The following LRGUK variants were observed in gnomAD, a reference collection of about 807,000 sequenced individuals.
LRGUK encodes leucine-rich repeat and guanylate kinase domain-containing protein.
Under a neutral mutation model 76.0 loss-of-function variants are expected in LRGUK, and 65 were observed. The ratio of observed to expected loss-of-function variants is 0.85; its 90% CI spans 0.70 to 1.05. The LOEUF (loss-of-function observed/expected upper bound fraction) is 1.05, where lower values mean the gene tolerates loss of function less well. Ranked by LOEUF, LRGUK falls within the 50% of genes least tolerant of loss-of-function variation. The pLI, the probability that LRGUK is intolerant of heterozygous loss-of-function variation, is 0.00. For missense variants in LRGUK, 758 were observed against 732.8 expected (o/e 1.03, Z -0.40); for synonymous variants, 268 against 265.6 (o/e 1.01, Z -0.09).
intron 19 of LRGUK, 21 bp downstream of exon 19, chr7:134,258,426 G>C (rs145490441): frequency 1.2e-5 from 20 of 1,609,076 alleles, no homozygotes; most frequent in East Asian, 4.5e-5. Context: ...GGCCAAGCGC[G>C]GTGGCTCATG....
intron 11 of LRGUK, among the ~76,000 whole-genome samples, chr7:134,184,838 C>T (rs921161272): frequency 6.6e-6 from 1 of 152,218 alleles, no homozygotes; most frequent in African/African-American, 2.4e-5. Context: ...TGAAAATCAA[C>T]ATCTTTTTCA....
intron 13 of LRGUK, among the ~76,000 whole-genome samples, chr7:134,197,902 A>G (rs763083461): frequency 7.9e-5 from 12 of 152,180 alleles, no homozygotes; most frequent in Non-Finnish European, 1.8e-4. Flanking sequence ...GCAGTATGAC[A>G]CTTTTGGAAT....
chr7:134,198,426 A>G (rs535025717), intron 13 of LRGUK, among the ~76,000 whole-genome samples: 198 of 152,302 alleles, frequency 1.3e-3, no homozygotes, highest in African/African-American at 4.5e-3. Context: ...GTATTTTTCC[A>G]GACTGCCCTG....
At chr7:134,218,253 T>C (rs1801488700) in intron 15 of LRGUK, among the ~76,000 whole-genome samples, 1 of 152,048 alleles carries the variant, frequency 6.6e-6, no homozygotes, top group African/African-American at 2.4e-5. Flanking sequence ...CCCATTTGAG[T>C]GGGGAAAAAA....
chr7:134,221,506 A>G (rs1801594538), intron 15 of LRGUK, among the ~76,000 whole-genome samples: 1 of 152,128 alleles, frequency 6.6e-6, no homozygotes, highest in African/African-American at 2.4e-5. Context: ...TGTTTTTGAC[A>G]TGTCTTACTT....
At chr7:134,257,068 C>A (rs1327731504) in intron 18 of LRGUK, among the ~76,000 whole-genome samples, 1 of 152,106 alleles carries the variant, frequency 6.6e-6, no homozygotes, top group Non-Finnish European at 1.5e-5. Context: ...TCAAAGCTGT[C>A]CCCCTTGCTG....
intron 16 of LRGUK, among the ~76,000 whole-genome samples, chr7:134,229,919 G>T (rs1193070471): frequency 6.6e-6 from 1 of 151,978 alleles, no homozygotes; most frequent in Non-Finnish European, 1.5e-5. Flanking sequence ...AATGTGAAAA[G>T]CAAAATAATA....
At chr7:134,137,806 G>T (rs751536903) in intron 2 of LRGUK, among the ~76,000 whole-genome samples, 1 of 151,686 alleles carries the variant, frequency 6.6e-6, no homozygotes, top group Non-Finnish European at 1.5e-5. Context: ...ATATTGTAAA[G>T]CATTAAATAT....
chr7:134,264,644 C>T (rs1802823856), downstream of LRGUK: 1 of 152,164 alleles, frequency 6.6e-6, no homozygotes, highest in Admixed American at 6.5e-5. Flanking sequence ...ATTAGATATA[C>T]TTTTAGACAA....
intron 6 of LRGUK, among the ~76,000 whole-genome samples, chr7:134,158,406 G>A (rs185531511): frequency 1.3e-5 from 2 of 152,188 alleles, no homozygotes; most frequent in Admixed American, 6.5e-5. Context: ...TCCAAATTCA[G>A]TATTTTAAAT....
downstream of LRGUK, among the ~76,000 whole-genome samples, chr7:134,268,538 T>C (rs2117242131): frequency 2.0e-5 from 3 of 152,126 alleles, no homozygotes; most frequent in Middle Eastern, 0.01. Flanking sequence ...ATGCTTTCAC[T>C]GAAGAACCAA....
intron 9 of LRGUK, 99 bp downstream of exon 9, chr7:134,177,162 A>C (rs1056869213): frequency 1.5e-6 from 1 of 678,308 alleles, no homozygotes; most frequent in African/African-American, 1.8e-5. Flanking sequence ...AATAAATAAG[A>C]CACATAACAA....
chr7:134,275,320 T>G, the LRGUK span, among the ~76,000 whole-genome samples: 10 of 152,272 alleles, frequency 6.6e-5, no homozygotes, highest in African/African-American at 2.4e-4. Flanking sequence ...ACCAATTGTT[T>G]TATATGGTAA....
intron 16 of LRGUK, 31 bp downstream of exon 16, chr7:134,221,949 A>T (rs780932434): frequency 2.8e-5 from 44 of 1,554,876 alleles, no homozygotes; most frequent in Non-Finnish European, 3.5e-5. Flanking sequence ...GTGAAGCCAC[A>T]ACTGAGCTCT....
At chr7:134,241,380 A>G (rs954054774) in intron 16 of LRGUK, among the ~76,000 whole-genome samples, 2 of 152,192 alleles carry the variant, frequency 1.3e-5, no homozygotes, top group African/African-American at 2.4e-5. Context: ...AATGGAAAAC[A>G]GAAAAAAAAG....
At chr7:134,240,524 A>G (rs1301734756) in intron 16 of LRGUK, among the ~76,000 whole-genome samples, 1 of 152,198 alleles carries the variant, frequency 6.6e-6, no homozygotes, top group African/African-American at 2.4e-5. Flanking sequence ...AAAGAAATGA[A>G]CAAAGCCTCC....
chr7:134,140,764 A>T (rs1374919586), intron 3 of LRGUK, among the ~76,000 whole-genome samples: 2 of 152,212 alleles, frequency 1.3e-5, no homozygotes, highest in East Asian at 1.9e-4. Flanking sequence ...CATTCTTAAA[A>T]TACTACTGTT....
In LRGUK at chr7:134,175,237, C is replaced by T. The variant is rs566266860; in HGVS notation, c.1020+601C>T. On this transcript the variant is annotated intron_variant, in intron 8 of 15. Transcript: ENST00000645682. The stretch of plus-strand genomic sequence containing the variant: ...TTGACAGATGCTTTCTCCCGGTCTC[C>T]TCCCCTCTCTCCTTGTCTGTTTGTC... Among the ~76,000 whole-genome samples the T allele has an allele frequency of 2.2e-4, 33 of 152,256 alleles. 1 individual carries two copies. Among genetic ancestry groups the T allele is most frequent in the African/African-American group, 7.7e-4 (32 of 41,550 alleles).
At chr7:134,142,548 A>G (rs148186681) in intron 3 of LRGUK, among the ~76,000 whole-genome samples, 23 of 152,350 alleles carry the variant, frequency 1.5e-4, no homozygotes, top group Non-Finnish European at 3.1e-4. Context: ...AAATCACTTC[A>G]AATAGTTAAT....
Sources: gnomAD v4.1 joint callset for allele counts (sites outside exome capture counted in the v4.1 genomes callset) on GRCh38, gnomAD v4.1.1 for gene constraint, MANE v1.5 for transcripts, NCBI Gene and HGNC (gene_info 2026-07-23, HGNC 2026-07-21) for gene names.